The following TCTN2 variants were observed in gnomAD, a reference collection of about 807,000 sequenced individuals.
The protein encoded by TCTN2 is tectonic family member 2.
TCTN2 carries 66 observed loss-of-function variants against 83.4 expected under a neutral mutation model. The ratio of observed to expected loss-of-function variants is 0.79; its 90% confidence interval spans 0.65 to 0.97. The LOEUF (loss-of-function observed/expected upper bound fraction) is 0.97, where lower values mean the gene tolerates loss of function less well. Ranked by LOEUF, TCTN2 falls within the 50% of genes least tolerant of loss-of-function variation. TCTN2 has a pLI of 0.00. For synonymous variants in TCTN2, 301 were observed against 326.7 expected (o/e 0.92, Z 0.85); for missense variants, 794 against 858.1 (o/e 0.93, Z 0.93).
At position 123,690,548 on chromosome 12, in the gene TCTN2, C is replaced by T. The variant is rs1439737213; in HGVS notation, c.907C>T (p.Gln303Ter). Residue 303 changes from glutamine (Q) to a stop codon, truncating the protein, a stop_gained, in exon 8 of 18, where the codon CAG (glutamine) becomes TAG (stop). Transcript: ENST00000303372. LOFTEE classifies it high-confidence loss of function. ...TCTCCCTCAGGTGTCCCTGGCTGGG[C>T]AGTGTATGCAGAACGCCCCAGTGGC... Reference protein sequence around the residue: ...FTIPQVSLAGQCMQNAPVAFL... With the variant: ...FTIPQVSLAG 1 of 1,614,172 alleles carries T rather than the reference C, an allele frequency of 6.2e-7. No homozygotes were observed. The highest frequency in any genetic ancestry group is 8.5e-7 in the Non-Finnish European group (1 of 1,180,026).
rs1316298319 is a variant in TCTN2 at position 123,704,536 on chromosome 12, A to G, written c.1617A>G (p.Val539=). Residue 539 remains valine, a synonymous_variant, in exon 15 of 18, where the codon GTA becomes GTG. Coordinates refer to ENST00000303372, the MANE Select transcript of TCTN2 (RefSeq NM_024809.5). ...TATAACTTAACATTTCTATAGGTGT[A>G]GATGCCCCTGATCCAGGTGCAGACC... is the stretch of plus-strand genomic sequence containing the variant. ...LSDGWLEIIR[V]DAPDPGADPL... 1.9e-6 allele frequency: 3 copies of G among 1,611,462 alleles called. No individual in the cohort carries two copies. The highest frequency in any genetic ancestry group is 2.5e-6 in the Non-Finnish European group (3 of 1,178,856).
At position 123,699,742 on chromosome 12, in the gene TCTN2, C is replaced by T. The variant is rs748105865; in HGVS notation, c.1544C>T (p.Ala515Val). 1.7e-5 allele frequency: 27 copies of T among 1,614,130 alleles called. No individual in the cohort carries two copies. In the Middle Eastern group the frequency reaches 4.9e-4, roughly 30 times the overall value. Residue 515 changes from alanine to valine, a missense_variant, in exon 14 of 18, where the codon GCG becomes GTG. Coordinates refer to ENST00000303372, the MANE Select transcript of TCTN2 (RefSeq NM_024809.5). ...AVERLDSLIQATHVAMRGNSD... is the reference protein window; with the variant it reads ...AVERLDSLIQVTHVAMRGNSD... The stretch of plus-strand genomic sequence containing the variant: ...GAAAGACTTGATTCATTAATACAAG[C>T]GACTCACGTTGCAATGAGAGGCAAC...
At chr12:123,674,760 G>T (rs919436645) in intron 4 of TCTN2, among the ~76,000 whole-genome samples, 2 of 152,176 alleles carry the variant, frequency 1.3e-5, no homozygotes, top group Admixed American at 1.3e-4. Flanking sequence ...GCATGATGGT[G>T]CCTGCCTGTA....
In TCTN2 at chr12:123,690,602, G is replaced by A. The variant is rs531586530; in HGVS notation, c.961G>A (p.Val321Ile). ...AFLHNFDVKCVTNLELYQERD... is the reference protein window; with the variant it reads ...AFLHNFDVKCITNLELYQERD... ...TCTTCACAATTTTGATGTTAAATGC[G>A]TTACTAATTTGGAACTATACCAAGA... The change falls in exon 8 of 18, where the codon GTT (valine) becomes ATT (isoleucine). Residue 321 changes from valine to isoleucine, a missense_variant. Physicochemically the swap from Val to Ile is conservative, Grantham distance 29. Coordinates refer to ENST00000303372, the MANE Select transcript of TCTN2 (RefSeq NM_024809.5). 4.3e-6 allele frequency: 7 copies of A among 1,614,120 alleles called. No homozygotes were observed. The highest frequency in any genetic ancestry group is 1.3e-5 in the African/African-American group (1 of 75,020).
At chr12:123,689,181 C>T (rs750260543) in intron 7 of TCTN2, among the ~76,000 whole-genome samples, 1 of 152,090 alleles carries the variant, frequency 6.6e-6, no homozygotes, top group Non-Finnish European at 1.5e-5. Flanking sequence ...CCTACCTCAG[C>T]TTCCCAAGTA....
intron 14 of TCTN2, among the ~76,000 whole-genome samples, chr12:123,700,994 G>C (rs1956166383): frequency 6.6e-6 from 1 of 152,166 alleles, no homozygotes; most frequent in African/African-American, 2.4e-5. Flanking sequence ...CAAAGTCCAA[G>C]CAAGGTTTGA....
intron 14 of TCTN2, among the ~76,000 whole-genome samples, chr12:123,701,968 T>G (rs1475259160): frequency 6.6e-6 from 1 of 152,150 alleles, no homozygotes; most frequent in East Asian, 1.9e-4. Context: ...GAATCCAAAA[T>G]ATCCTTTGAG....
chr12:123,707,864 C>T lies in TCTN2; in HGVS notation c.*151C>T. 2 of 676,236 alleles carry T rather than the reference C, an allele frequency of 3.0e-6. No homozygotes were observed. Among genetic ancestry groups the T allele is most frequent in the Admixed American group, 2.2e-5 (1 of 45,188 alleles). 41.9% of individuals were successfully genotyped at this position (676,236 alleles called of 1,614,324 possible). ...GAACTGGGATTACAGGCATGCACCA[C>T]CACGCCCGGCTAATTTTGTATTTTT... On this transcript the variant is annotated 3_prime_UTR_variant, in exon 18 of 18. Transcript: ENST00000303372.
chr12:123,674,638 A>C (rs7133199), intron 4 of TCTN2, among the ~76,000 whole-genome samples: 64,848 of 151,986 alleles, frequency 0.43, 14,990 homozygotes, highest in African/African-American at 0.59. Context: ...TGGCTCCCAC[A>C]CTGTAAGTGC....
At position 123,672,177 on chromosome 12, in the gene TCTN2, C is replaced by T. The variant is rs563828505; in HGVS notation, c.267+45C>T. The T allele has an allele frequency of 8.5e-6, 13 of 1,524,770 alleles. No homozygotes were observed. The East Asian group carries it at 2.7e-4, about 32-fold the overall frequency. 94.5% of individuals were successfully genotyped at this position (1,524,770 alleles called of 1,614,324 possible). On this transcript the variant is annotated intron_variant, in intron 3 of 17. Transcript: ENST00000303372. ...TTCTCTGTAGCCTGTGAAGAGGCCC[C>T]CAGCTAGGGTTTCTGCAGTGCTCTC... is the stretch of plus-strand genomic sequence containing the variant.
At position 123,671,178 on chromosome 12, in the gene TCTN2, G is replaced by A. The variant is rs1457530431; in HGVS notation, c.-63G>A. On this transcript the variant is annotated 5_prime_UTR_variant, in exon 1 of 18. An upstream open reading frame in the 5' UTR loses its in-frame stop. Transcript: ENST00000303372. ...CAGTGGCTGCTGCGTTTTCGTGTCT[G>A]AGTCCTTCCTGGGTTCTAATGAGGG... 9.3e-6 allele frequency: 14 copies of A among 1,498,254 alleles called. No homozygotes were observed. The highest frequency in any genetic ancestry group is 1.9e-5 in the Admixed American group (1 of 53,176). 92.8% of individuals were successfully genotyped at this position (1,498,254 alleles called of 1,614,324 possible). A position where few individuals can be genotyped will look rare whatever the true frequency, so the allele number is the denominator to read the frequency against.
chr12:123,705,419 C>G (rs1337530145), intron 15 of TCTN2, among the ~76,000 whole-genome samples: 1 of 152,168 alleles, frequency 6.6e-6, no homozygotes, highest in African/African-American at 2.4e-5. Context: ...CCTCGGCCTC[C>G]CAAAGTGCTG....
At chr12:123,677,850 G>T (rs1396982597) in intron 4 of TCTN2, among the ~76,000 whole-genome samples, 1 of 151,840 alleles carries the variant, frequency 6.6e-6, no homozygotes, top group Admixed American at 6.6e-5. Flanking sequence ...GGCTGGTCTC[G>T]AACTCCTGAC....
chr12:123,698,952 G>A (rs1005663763), intron 13 of TCTN2, among the ~76,000 whole-genome samples: 1 of 152,110 alleles, frequency 6.6e-6, no homozygotes, highest in South Asian at 2.1e-4. Flanking sequence ...CTGGGAAGGA[G>A]GGAATGCTAC....
At chr12:123,676,567 A>G (rs12815739) in intron 4 of TCTN2, among the ~76,000 whole-genome samples, 412 of 54,950 alleles carry the variant, frequency 7.5e-3, no homozygotes, top group Middle Eastern at 0.018. Context: ...GACTCCATCT[A>G]AAAAAAAAAA....
At position 123,690,390 on chromosome 12, in the gene TCTN2, A is replaced by T. The variant is rs11057329; in HGVS notation, c.892-143A>T. ...GTTAGATGTTTTGCTAAAGCGGGTC[A>T]ACTAGTCGGTGAACTTGCCGTTGCT... is the stretch of plus-strand genomic sequence containing the variant. On this transcript the variant is annotated intron_variant, in intron 7 of 17. Coordinates refer to ENST00000303372, the MANE Select transcript of TCTN2 (RefSeq NM_024809.5). The T allele has an allele frequency of 0.054, 59,979 of 1,110,794 alleles. 2,254 individuals carry two copies. The highest frequency in any genetic ancestry group is 0.13 in the African/African-American group (8,378 of 64,994). 68.8% of individuals were successfully genotyped at this position (1,110,794 alleles called of 1,614,324 possible). A position where few individuals can be genotyped will look rare whatever the true frequency, so the allele number is the denominator to read the frequency against.
intron 5 of TCTN2, among the ~76,000 whole-genome samples, chr12:123,685,882 C>T (rs1325417587): frequency 6.6e-6 from 1 of 150,454 alleles, no homozygotes; most frequent in Admixed American, 6.7e-5. Context: ...CACCACCATG[C>T]CTGGCTAATT....
At chr12:123,707,553 AT>A (rs778424349) in intron 17 of TCTN2, 50 bp from the exon 18 acceptor site, 26 of 1,540,460 alleles carry the variant, frequency 1.7e-5, no homozygotes, top group Non-Finnish European at 2.2e-5. Flanking sequence ...CTACACTGTT[AT>A]CAAAAGAGTT....
Position 123,699,987 on chromosome 12 carries a change from C to T in TCTN2, c.1612+177C>T, listed in dbSNP as rs1363602553. 4 of 664,944 alleles carry T rather than the reference C, an allele frequency of 6.0e-6. No homozygotes were observed. The Admixed American group carries it at 7.4e-5, about 12-fold the overall frequency. The allele number at this position is 664,944 out of a possible 1,614,324, so 41.2% of individuals were successfully genotyped here. ...AGGAAACTTGGCATGTCTTTTTCTTCTTATTCACAATGACTTTTTTGATTT... is the reference window on the plus strand; with the variant it reads ...AGGAAACTTGGCATGTCTTTTTCTTTTTATTCACAATGACTTTTTTGATTT... On this transcript the variant is annotated intron_variant, in intron 14 of 17. Coordinates refer to ENST00000303372, the MANE Select transcript of TCTN2 (RefSeq NM_024809.5).
Sources: allele counts gnomAD v4.1 joint callset (sites outside exome capture counted in the v4.1 genomes callset), GRCh38; gene constraint gnomAD v4.1.1; transcripts MANE v1.5; gene names NCBI Gene and HGNC (gene_info 2026-07-23, HGNC 2026-07-21).